The following ROR1 variants were observed in gnomAD, a reference collection of about 807,000 sequenced individuals.
ROR1 encodes the protein ROR family WNT receptor 1, also known as inactive tyrosine-protein kinase transmembrane receptor ROR1.
Under a neutral mutation model 78.8 loss-of-function variants are expected in ROR1, and 19 were observed. The ratio of observed to expected loss-of-function variants is 0.24; its 90% confidence interval spans 0.17 to 0.35. The LOEUF (loss-of-function observed/expected upper bound fraction) is 0.35, where lower values mean the gene tolerates loss of function less well. Ranked by LOEUF, ROR1 falls within the 10% of genes least tolerant of loss-of-function variation. The probability of loss-of-function intolerance (pLI) is 1.00; values close to 1 mark genes in which losing one functional copy is unlikely to be tolerated. For missense variants in ROR1, 917 were observed against 1,177.8 expected, an observed-to-expected ratio of 0.78 and a Z score of 3.24; for synonymous variants, 386 against 433.6, an observed-to-expected ratio of 0.89 and a Z score of 1.36.
chr1:64,000,503 A>T (rs138149381), intron 1 of ROR1, among the ~76,000 whole-genome samples: 20 of 152,324 alleles, frequency 1.3e-4, no homozygotes, highest in African/African-American at 4.6e-4. Context: ...GAAAAGCAAG[A>T]TATGAACCAT....
At chr1:64,089,250 C>G (rs541844244) in intron 4 of ROR1, among the ~76,000 whole-genome samples, 1 of 151,590 alleles carries the variant, frequency 6.6e-6, no homozygotes, top group Non-Finnish European at 1.5e-5. Flanking sequence ...CACTCTGTGT[C>G]TCAGGCTGGA....
chr1:63,797,639 C>T (rs141650025), intron 1 of ROR1, among the ~76,000 whole-genome samples: 5 of 152,290 alleles, frequency 3.3e-5, no homozygotes, highest in South Asian at 4.1e-4. Flanking sequence ...GTGAAACAAG[C>T]CCTTCTATGA....
chr1:64,049,664 T>C (rs775998505), intron 2 of ROR1, 27 bp from the exon 3 acceptor site: 2 of 1,602,118 alleles, frequency 1.2e-6, no homozygotes, highest in South Asian at 2.2e-5. Context: ...TCTGCCCCTC[T>C]CACCTGCCTC....
chr1:64,174,482 A>T (rs1418526004), intron 8 of ROR1, among the ~76,000 whole-genome samples: 4 of 152,200 alleles, frequency 2.6e-5, no homozygotes, highest in African/African-American at 9.6e-5. Flanking sequence ...CTGCCTATGG[A>T]TACTTTTCAA....
chr1:64,120,142 G>A (rs899334963), intron 4 of ROR1, among the ~76,000 whole-genome samples: 3 of 152,140 alleles, frequency 2.0e-5, no homozygotes, highest in African/African-American at 7.2e-5. Context: ...AGTCTTTAAA[G>A]GAACCTACTG....
At chr1:64,113,557 C>G (rs1648196332) in intron 4 of ROR1, 1 of 152,166 alleles carries the variant, frequency 6.6e-6, no homozygotes, top group South Asian at 2.1e-4. Context: ...ATCCCCTCAT[C>G]ATGACTTTCT....
intron 1 of ROR1, among the ~76,000 whole-genome samples, chr1:63,788,043 GA>G (rs1327696674): frequency 2.0e-5 from 3 of 152,220 alleles, no homozygotes; most frequent in Non-Finnish European, 4.4e-5. Flanking sequence ...GCACTCCTGA[GA>G]GGCAGAAGAG....
chr1:64,095,665 A>G (rs942519609), intron 4 of ROR1, among the ~76,000 whole-genome samples: 3 of 152,204 alleles, frequency 2.0e-5, no homozygotes, highest in Admixed American at 2.0e-4. Context: ...TTATGTATGT[A>G]TATTATACTT....
intron 4 of ROR1, among the ~76,000 whole-genome samples, chr1:64,059,636 G>A (rs567220600): frequency 4.8e-4 from 73 of 150,642 alleles, no homozygotes; most frequent in African/African-American, 1.8e-3. Context: ...TTGAACCTGG[G>A]AGCCAGAGGT....
intron 4 of ROR1, among the ~76,000 whole-genome samples, chr1:64,123,191 T>C (rs1648603450): frequency 6.6e-6 from 1 of 152,200 alleles, no homozygotes; most frequent in African/African-American, 2.4e-5. Context: ...AAACACATTA[T>C]AGAACTGGTT....
intron 1 of ROR1, among the ~76,000 whole-genome samples, chr1:63,885,798 A>G (rs926019247): frequency 2.0e-5 from 3 of 152,134 alleles, no homozygotes; most frequent in Non-Finnish European, 4.4e-5. Context: ...CATATGTTAG[A>G]TCAGTGGTCC....
At chr1:64,081,440 A>G (rs1468997041) in intron 4 of ROR1, among the ~76,000 whole-genome samples, 1 of 152,198 alleles carries the variant, frequency 6.6e-6, no homozygotes, top group Non-Finnish European at 1.5e-5. Flanking sequence ...ATATACATGA[A>G]GAGTTTCATT....
At chr1:63,904,827 T>C (rs1056095706) in intron 1 of ROR1, among the ~76,000 whole-genome samples, 9 of 152,298 alleles carry the variant, frequency 5.9e-5, no homozygotes, top group South Asian at 2.1e-4. Context: ...GAGGCCAACC[T>C]GCTGATATCT....
intron 8 of ROR1, among the ~76,000 whole-genome samples, chr1:64,169,043 G>A (rs1295242210): frequency 6.6e-6 from 1 of 152,238 alleles, no homozygotes; most frequent in Non-Finnish European, 1.5e-5. Flanking sequence ...ACTGATGCCT[G>A]CTCTGATGTA....
At chr1:64,008,209 CAT>C (rs1333047849) in intron 1 of ROR1, among the ~76,000 whole-genome samples, 12 of 152,150 alleles carry the variant, frequency 7.9e-5, no homozygotes, top group Admixed American at 7.9e-4. Context: ...AGTGAGAACA[CAT>C]GATATTTGGT....
At chr1:63,907,208 A>G (rs1471363737) in intron 1 of ROR1, among the ~76,000 whole-genome samples, 1 of 152,164 alleles carries the variant, frequency 6.6e-6, no homozygotes, top group Non-Finnish European at 1.5e-5. Context: ...AGTGGTTGTT[A>G]TAATATTTTG....
chr1:64,107,128 G>T (rs1383262864), intron 4 of ROR1: 1 of 152,184 alleles, frequency 6.6e-6, no homozygotes, highest in Admixed American at 6.5e-5. Context: ...AATTTATTAT[G>T]TGTGTTATGT....
Position 64,178,301 on chromosome 1 carries a change from A to G in ROR1, c.2260A>G (p.Ser754Gly). 1 of 1,614,158 alleles carries G rather than the reference A, an allele frequency of 6.2e-7. No homozygotes were observed. Among genetic ancestry groups the G allele is most frequent in the East Asian group, 2.2e-5 (1 of 44,878 alleles). ...GCTTCGGTCCTGGGAGGGACTCTCA[A>G]GTCACACAAGCTCTACTACTCCTTC... is the stretch of plus-strand genomic sequence containing the variant. ...VRLRSWEGLS[S>G]HTSSTTPSGG... Residue 754 changes from serine to glycine, a missense_variant, in exon 9 of 9, where the codon AGT becomes GGT. This residue lies in a region of ROR1 where 835 missense variants were observed against 1,069.8 expected (regional missense o/e 0.78). Coordinates refer to ENST00000371079, the MANE Select transcript of ROR1 (RefSeq NM_005012.4). This position sits in a 1 kb window ranked among gnomAD's most constrained non-coding sequence, Gnocchi z 4.3.
intron 1 of ROR1, among the ~76,000 whole-genome samples, chr1:63,954,410 C>G (rs1036218670): frequency 1.1e-4 from 16 of 152,166 alleles, no homozygotes; most frequent in African/African-American, 3.9e-4. Flanking sequence ...TACTTTATTC[C>G]AAGAGGCCTG....
Sources: allele counts gnomAD v4.1 joint callset (sites outside exome capture counted in the v4.1 genomes callset), GRCh38; gene constraint gnomAD v4.1.1; regional missense constraint gnomAD v4.1.1; non-coding constraint Gnocchi (gnomAD v3.1); transcripts MANE v1.5; gene names NCBI Gene and HGNC (gene_info 2026-07-23, HGNC 2026-07-21).